The following POLDIP3 variants were observed in gnomAD, a reference collection of about 807,000 sequenced individuals.
POLDIP3 encodes the protein polymerase delta-interacting protein 3.
A neutral mutation model predicts 45.1 loss-of-function variants in POLDIP3; 14 were observed. The ratio of observed to expected loss-of-function variants is 0.31; its 90% CI spans 0.20 to 0.49. The LOEUF (loss-of-function observed/expected upper bound fraction) is 0.49. Ranked by LOEUF, POLDIP3 falls within the 20% of genes least tolerant of loss-of-function variation. The pLI, the probability that POLDIP3 is intolerant of heterozygous loss-of-function variation, is 0.99. For synonymous variants in POLDIP3, 223 were observed against 205.2 expected (o/e 1.09, Z -0.74); for missense variants, 511 against 538.8 (o/e 0.95, Z 0.51).
chr22:42,601,683 C>T (rs559763411), intron 3 of POLDIP3, among the ~76,000 whole-genome samples: 2 of 152,320 alleles, frequency 1.3e-5, no homozygotes, highest in Non-Finnish European at 2.9e-5. Flanking sequence ...ATCACTTGAA[C>T]CCGGGAGGCA....
chr22:42,593,208 C>T (rs980085661), intron 6 of POLDIP3, among the ~76,000 whole-genome samples: 1 of 152,150 alleles, frequency 6.6e-6, no homozygotes, highest in Non-Finnish European at 1.5e-5. Flanking sequence ...TCTCATCATA[C>T]TGTTATTTTT....
At chr22:42,592,187 TGCGCCC>T in intron 6 of POLDIP3, 103 bp from the exon 7 acceptor site, 1 of 1,524,314 alleles carries the variant, frequency 6.6e-7, no homozygotes. Flanking sequence ...TGCAGCTAAA[TGCGCCC>T]TGCGCCTGAG....
At chr22:42,586,223 T>C (rs982836890) in intron 8 of POLDIP3, among the ~76,000 whole-genome samples, 1 of 152,130 alleles carries the variant, frequency 6.6e-6, no homozygotes, top group East Asian at 1.9e-4. Flanking sequence ...GCCTGGCTCA[T>C]TTTTAAAATT....
At chr22:42,614,272 G>A (rs1021407943) in intron 1 of POLDIP3, among the ~76,000 whole-genome samples, 1 of 152,214 alleles carries the variant, frequency 6.6e-6, no homozygotes, top group Non-Finnish European at 1.5e-5. Flanking sequence ...TATATGAAAG[G>A]GCTCAGAAAA....
In POLDIP3 at chr22:42,612,837, C is replaced by CA. The variant is rs936240706; in HGVS notation, c.59+1961dup. Among the ~76,000 whole-genome samples the CA allele has an allele frequency of 1.2e-4, 18 of 151,626 alleles. No individual in the cohort carries two copies. The East Asian group carries it at 2.3e-3, about 20-fold the overall frequency. On this transcript the variant is annotated intron_variant, in intron 1 of 8. Coordinates refer to ENST00000252115, the MANE Select transcript of POLDIP3 (RefSeq NM_032311.5). Reference sequence around the variant, plus strand: ...TGAGACTCCCTCTCAAAAAAACAAACAAAAAAAACCCTTCTCACATTTAAT... The same window carrying CA: ...TGAGACTCCCTCTCAAAAAAACAAACAAAAAAAAACCCTTCTCACATTTAAT...
chr22:42,588,630 CT>C (rs201367552), intron 7 of POLDIP3, among the ~76,000 whole-genome samples: 15,631 of 136,780 alleles, frequency 0.11, 1,259 homozygotes, highest in East Asian at 0.52. Context: ...TTCTTTCTTT[CT>C]TTTTTTTTTT....
chr22:42,596,398 C>G, intron 4 of POLDIP3, 33 bp from the exon 5 acceptor site: 1 of 1,598,204 alleles, frequency 6.3e-7, no homozygotes, highest in Non-Finnish European at 8.6e-7. Context: ...ATCTGAGAAG[C>G]CAGACCTGCA....
At chr22:42,601,755 G>A (rs933001733) in intron 3 of POLDIP3, among the ~76,000 whole-genome samples, 2 of 152,148 alleles carry the variant, frequency 1.3e-5, no homozygotes, top group Non-Finnish European at 2.9e-5. Context: ...GCGAGACTCC[G>A]TCTCAAAAAA....
chr22:42,599,054 A>G (rs1290600431), intron 4 of POLDIP3, among the ~76,000 whole-genome samples: 2 of 152,234 alleles, frequency 1.3e-5, no homozygotes, highest in Admixed American at 6.5e-5. Context: ...TGCTGACCAC[A>G]AAGGGTTACG....
At chr22:42,599,652 C>G (rs751111394) in intron 4 of POLDIP3, 46 bp downstream of exon 4, 8 of 1,389,046 alleles carry the variant, frequency 5.8e-6, no homozygotes, top group Non-Finnish European at 8.2e-6. Flanking sequence ...ACCTCTCCCA[C>G]CTGCCTGATC....
rs113485417 is a variant in POLDIP3, at chr22:42,601,379, CA to C, written c.537+590del. On this transcript the variant is annotated intron_variant, in intron 3 of 8. Transcript: ENST00000252115. Reference sequence around the variant, plus strand: ...AAGGAAAAAAAAACAAAACAAAAGACAAAAAAAAAAAAAGCGTAAAAAAATT... The same window carrying C: ...AAGGAAAAAAAAACAAAACAAAAGACAAAAAAAAAAAAGCGTAAAAAAATT... Among the ~76,000 whole-genome samples the C allele has an allele frequency of 8.6e-3, 1,028 of 120,054 alleles. 5 individuals carry two copies. Among genetic ancestry groups the C allele is most frequent in the Non-Finnish European group, 0.011 (592 of 55,238 alleles). The allele number at this position is 120,054 out of a possible 152,430, so 78.8% of individuals were successfully genotyped here.
At chr22:42,590,092 C>G (rs546777838) in intron 7 of POLDIP3, among the ~76,000 whole-genome samples, 12 of 152,150 alleles carry the variant, frequency 7.9e-5, no homozygotes, top group African/African-American at 2.2e-4. Context: ...GGAGAAATCA[C>G]AAGGGAGATT....
chr22:42,599,476 C>T lies in POLDIP3; in HGVS notation c.633+222G>A, dbSNP rs538133720. The stretch of plus-strand genomic sequence containing the variant: ...AAAATTAGCTGGGCGTGGCGGCAGG[C>T]GCCTGTAATCCCAGCTACTAGGGAG... On this transcript the variant is annotated intron_variant, in intron 4 of 8. Coordinates refer to ENST00000252115, the MANE Select transcript of POLDIP3 (RefSeq NM_032311.5). Among the ~76,000 whole-genome samples the T allele has an allele frequency of 1.6e-3, 246 of 152,276 alleles. 1 individual carries two copies. The highest frequency in any genetic ancestry group is 5.7e-3 in the African/African-American group (237 of 41,546).
chr22:42,605,137 GT>G (rs1349037467), intron 1 of POLDIP3, among the ~76,000 whole-genome samples: 1 of 152,118 alleles, frequency 6.6e-6, no homozygotes, highest in Non-Finnish European at 1.5e-5. Context: ...GTTTTGTTTT[GT>G]TTTGTTTGAG....
chr22:42,585,436 C>A lies in POLDIP3; in HGVS notation c.*355G>T, dbSNP rs912238056. On this transcript the variant is annotated 3_prime_UTR_variant, in exon 9 of 9. Transcript: ENST00000252115. ...AAAGCAGGGTCCTTCAGACAGCCCC[C>A]ACGCTGCATCCCATGGGGCCACAAG... 5.5e-6 allele frequency: 2 copies of A among 360,796 alleles called. No homozygotes were observed. The highest frequency in any genetic ancestry group is 7.9e-5 in the Admixed American group (2 of 25,302). 22.3% of individuals were successfully genotyped at this position (360,796 alleles called of 1,614,324 possible). A position where few individuals can be genotyped will look rare whatever the true frequency, so the allele number is the denominator to read the frequency against.
intron 3 of POLDIP3, among the ~76,000 whole-genome samples, 156 bp downstream of exon 3, chr22:42,601,814 C>T (rs561048173): frequency 1.3e-5 from 2 of 152,210 alleles, no homozygotes; most frequent in Admixed American, 6.5e-5. Context: ...GCAAAAAGTT[C>T]GCTGTAACCC....
intron 8 of POLDIP3, 139 bp from the exon 9 acceptor site, chr22:42,586,107 C>G (rs767736814): frequency 1.3e-6 from 1 of 753,242 alleles, no homozygotes; most frequent in Non-Finnish European, 2.1e-6. Flanking sequence ...CATTCCACCT[C>G]GCAGCAAACT....
chr22:42,603,241 G>A, intron 1 of POLDIP3, 81 bp from the exon 2 acceptor site: 1 of 1,457,470 alleles, frequency 6.9e-7, no homozygotes. Context: ...TGGTAACACT[G>A]GGGACAGAGG....
At position 42,602,229 on chromosome 22, in the gene POLDIP3, G is replaced by A. The variant is rs1926436208; in HGVS notation, c.451-173C>T. 1.0e-5 allele frequency: 11 copies of A among 1,069,016 alleles called. No homozygotes were observed. The East Asian group carries it at 2.9e-4, about 28-fold the overall frequency. 66.2% of individuals were successfully genotyped at this position (1,069,016 alleles called of 1,614,324 possible). On this transcript the variant is annotated intron_variant, in intron 2 of 8. Coordinates refer to ENST00000252115, the MANE Select transcript of POLDIP3 (RefSeq NM_032311.5). ...AAGTAACAGAAGAATCATCAATCCA[G>A]AGACCATGCCGGTAACGCACATGTA...
Sources: allele counts gnomAD v4.1 joint callset (sites outside exome capture counted in the v4.1 genomes callset), GRCh38; gene constraint gnomAD v4.1.1; transcripts MANE v1.5; gene names NCBI Gene and HGNC (gene_info 2026-07-23, HGNC 2026-07-21).